Variants in IL34 observed in about 807,000 individuals in gnomAD.
IL34 encodes interleukin 34, also known as interleukin-34.
Under a neutral mutation model 25.3 loss-of-function variants are expected in IL34, and 17 were observed. The observed-to-expected ratio is 0.67, with a 90% CI of 0.46 to 1.01. IL34 has a LOEUF of 1.01. Ranked by LOEUF, IL34 falls within the 50% of genes least tolerant of loss-of-function variation. IL34 has a pLI of 0.00. For synonymous variants in IL34, 174 were observed against 140.9 expected (o/e 1.23, Z -1.66); for missense variants, 368 against 312.9 (o/e 1.18, Z -1.33).
chr16:70,613,782 G>A (rs2051129156), intron 1 of IL34, among the ~76,000 whole-genome samples: 1 of 152,126 alleles, frequency 6.6e-6, no homozygotes, highest in South Asian at 2.1e-4. Context: ...GCTGAGGCAG[G>A]AGGATTGCTT....
At chr16:70,626,182 T>C (rs1266474427) in intron 1 of IL34, among the ~76,000 whole-genome samples, 1 of 152,236 alleles carries the variant, frequency 6.6e-6, no homozygotes, top group Non-Finnish European at 1.5e-5. Flanking sequence ...ATGAGCTGTT[T>C]ACATATTAGT....
At chr16:70,652,059 C>T (rs546389720) in intron 1 of IL34, among the ~76,000 whole-genome samples, 37 of 151,426 alleles carry the variant, frequency 2.4e-4, no homozygotes, top group African/African-American at 7.8e-4. Context: ...GCCCAGGAAG[C>T]GGAGGTTGCA....
intron 1 of IL34, among the ~76,000 whole-genome samples, chr16:70,624,396 G>A (rs930820800): frequency 8.5e-5 from 13 of 152,256 alleles, no homozygotes; most frequent in African/African-American, 3.1e-4. Context: ...CACCTTGAAG[G>A]TGAGGTTAAT....
chr16:70,627,962 A>T (rs1415887250), intron 1 of IL34, among the ~76,000 whole-genome samples: 1 of 152,216 alleles, frequency 6.6e-6, no homozygotes, highest in Non-Finnish European at 1.5e-5. Context: ...CTTACGAAAG[A>T]AATTGCTAAG....
In IL34 at chr16:70,640,501, G is replaced by A. The variant is rs575907048; in HGVS notation, c.-400-6047G>A. Among the ~76,000 whole-genome samples the A allele has an allele frequency of 4.6e-5, 7 of 151,928 alleles. No homozygotes were observed. The East Asian group carries it at 1.4e-3, about 30-fold the overall frequency. ...TAGCCGGGTGTGGTGGTGCATGCCT[G>A]TAATCCCAGCTACTTGGGACGCTGA... On this transcript the variant is annotated intron_variant, in intron 1 of 6. Coordinates refer to the IL34 transcript ENST00000429149.
intron 1 of IL34, among the ~76,000 whole-genome samples, chr16:70,624,887 C>A (rs181138593): frequency 2.6e-5 from 4 of 151,728 alleles, no homozygotes; most frequent in Admixed American, 6.6e-5. Context: ...GACTCAGTGA[C>A]GCTTGGGGTT....
intron 1 of IL34, among the ~76,000 whole-genome samples, chr16:70,647,785 C>G (rs887620917): frequency 2.6e-5 from 4 of 152,214 alleles, no homozygotes; most frequent in African/African-American, 9.6e-5. Flanking sequence ...TGGGTCCACC[C>G]TGGCCCTTGT....
chr16:70,615,629 C>T (rs755022929), intron 1 of IL34, among the ~76,000 whole-genome samples: 2 of 152,114 alleles, frequency 1.3e-5, no homozygotes, highest in Non-Finnish European at 2.9e-5. Flanking sequence ...CAAATGCAAG[C>T]ATATACAAAT....
At chr16:70,596,457 A>G (rs1305591713) in intron 1 of IL34, among the ~76,000 whole-genome samples, 2 of 152,188 alleles carry the variant, frequency 1.3e-5, no homozygotes, top group Non-Finnish European at 2.9e-5. Flanking sequence ...AGTTGCTGCA[A>G]AGCAGGCATC....
intron 1 of IL34, among the ~76,000 whole-genome samples, chr16:70,603,167 A>G (rs183032776): frequency 2.0e-5 from 3 of 152,384 alleles, no homozygotes; most frequent in Admixed American, 2.0e-4. Flanking sequence ...AAGGAAATGT[A>G]AGAGACAGTT....
chr16:70,602,101 T>G (rs1215735489), intron 1 of IL34, among the ~76,000 whole-genome samples: 1 of 152,214 alleles, frequency 6.6e-6, no homozygotes, highest in Non-Finnish European at 1.5e-5. Flanking sequence ...GACTCTGAAG[T>G]TGCAGGACTC....
chr16:70,621,690 A>T (rs188345571), intron 1 of IL34, among the ~76,000 whole-genome samples: 1 of 152,130 alleles, frequency 6.6e-6, no homozygotes, highest in Non-Finnish European at 1.5e-5. Flanking sequence ...GGGTGCAGGC[A>T]GGCTGAGTCC....
intron 4 of IL34, among the ~76,000 whole-genome samples, chr16:70,659,151 G>T (rs1230769278): frequency 6.6e-6 from 1 of 152,146 alleles, no homozygotes. Context: ...TGCATATCGT[G>T]GAGAGAAAGC....
At chr16:70,615,665 A>T (rs2051162536) in intron 1 of IL34, among the ~76,000 whole-genome samples, 2 of 152,074 alleles carry the variant, frequency 1.3e-5, no homozygotes, top group South Asian at 4.1e-4. Context: ...TAGGTAGATG[A>T]AAGTGCCAGG....
chr16:70,591,416 C>T (rs1181798411), intron 1 of IL34, among the ~76,000 whole-genome samples: 3 of 151,854 alleles, frequency 2.0e-5, no homozygotes, highest in South Asian at 2.1e-4. Flanking sequence ...CCAGAATGAC[C>T]CAGTTAGCCG....
At chr16:70,596,593 G>C (rs924094738) in intron 1 of IL34, among the ~76,000 whole-genome samples, 3 of 152,170 alleles carry the variant, frequency 2.0e-5, no homozygotes, top group Admixed American at 2.0e-4. Flanking sequence ...AGAAACTGGA[G>C]CCCCTGAAGC....
At chr16:70,598,301 GA>G (rs1170529583) in intron 1 of IL34, among the ~76,000 whole-genome samples, 6 of 152,254 alleles carry the variant, frequency 3.9e-5, no homozygotes, top group South Asian at 4.1e-4. Flanking sequence ...GGACTTGAGG[GA>G]ATGGTTGGTG....
Position 70,660,293 on chromosome 16 carries a change from A to AG in IL34, c.*108dup, listed in dbSNP as rs1250306878. The AG allele has an allele frequency of 3.7e-6, 4 of 1,071,268 alleles. No homozygotes were observed. In the Middle Eastern group the frequency reaches 9.4e-4, roughly 252 times the overall value. The allele number at this position is 1,071,268 out of a possible 1,614,324, so 66.4% of individuals were successfully genotyped here. On this transcript the variant is annotated 3_prime_UTR_variant, in exon 6 of 6. Transcript: ENST00000288098. ...TGGTGGTGGGAGCCCCCCTTGGGAG[A>AG]GGACCCCTGGGAAGGGTGTTTTTCC...
At chr16:70,630,008 A>T (rs1464474794) in intron 1 of IL34, among the ~76,000 whole-genome samples, 1 of 152,182 alleles carries the variant, frequency 6.6e-6, no homozygotes, top group East Asian at 1.9e-4. Context: ...CCCACCCAGC[A>T]ACAATTCTTC....
Sources: allele counts gnomAD v4.1 joint callset (sites outside exome capture counted in the v4.1 genomes callset), GRCh38; gene constraint gnomAD v4.1.1; transcripts MANE v1.5; gene names NCBI Gene and HGNC (gene_info 2026-07-23, HGNC 2026-07-21).